Variants in GPATCH2L observed in about 807,000 individuals in gnomAD.
The protein encoded by GPATCH2L is G-patch domain containing 2 like, also known as G patch domain-containing protein 2-like.
Under a neutral mutation model 57.4 loss-of-function variants are expected in GPATCH2L, and 31 were observed. The ratio of observed to expected loss-of-function variants is 0.54; its 90% CI spans 0.41 to 0.73. The LOEUF (loss-of-function observed/expected upper bound fraction) is 0.73. Ranked by LOEUF, GPATCH2L falls within the 30% of genes least tolerant of loss-of-function variation. The probability of loss-of-function intolerance (pLI) is 0.00; values close to 1 mark genes in which losing one functional copy is unlikely to be tolerated. For missense variants in GPATCH2L, 481 were observed against 599.9 expected, an observed-to-expected ratio of 0.80 and a Z score of 2.07; for synonymous variants, 199 against 210.7, an observed-to-expected ratio of 0.94 and a Z score of 0.48.
In GPATCH2L at chr14:76,203,338, A is replaced by G. The variant is rs747577878; in HGVS notation, c.*1487A>G. The G allele has an allele frequency of 5.9e-5, 9 of 152,236 alleles. No homozygotes were observed. Among genetic ancestry groups the G allele is most frequent in the Non-Finnish European group, 1.0e-4 (7 of 68,046 alleles). The allele number at this position is 152,236 out of a possible 1,614,324, so 9.4% of individuals were successfully genotyped here. On this transcript the variant is annotated 3_prime_UTR_variant, in exon 10 of 10. Coordinates refer to ENST00000261530, the MANE Select transcript of GPATCH2L (RefSeq NM_017926.4). Reference sequence around the variant, plus strand: ...ATATCAATTGTTCATAATCAGGAATATGGTAGAGGGAGAGCAGGTGTAGAT... The same window carrying G: ...ATATCAATTGTTCATAATCAGGAATGTGGTAGAGGGAGAGCAGGTGTAGAT...
At chr14:76,186,627 C>T (rs902423676) in intron 8 of GPATCH2L, among the ~76,000 whole-genome samples, 9 of 152,168 alleles carry the variant, frequency 5.9e-5, no homozygotes, top group Admixed American at 5.9e-4. Context: ...TAAGGCTGCC[C>T]AAGCCTATTG....
At chr14:76,196,090 T>G in intron 9 of GPATCH2L, 118 bp downstream of exon 9, 1 of 830,208 alleles carries the variant, frequency 1.2e-6, no homozygotes, top group Non-Finnish European at 2.1e-6. Context: ...TATTCCCACT[T>G]TACATGGGAA....
chr14:76,215,023 A>G (rs74396213), downstream of GPATCH2L, among the ~76,000 whole-genome samples: 3,366 of 152,252 alleles, frequency 0.022, 75 homozygotes, highest in South Asian at 0.077. Context: ...TTTTGAAGTT[A>G]GTTTTATCAT....
chr14:76,231,488 C>T (rs1008364941), intron 2 of GPATCH2L, among the ~76,000 whole-genome samples: 4 of 152,060 alleles, frequency 2.6e-5, no homozygotes, highest in African/African-American at 9.7e-5. Context: ...CATTCCATCT[C>T]TCTTTCTTTC....
chr14:76,165,318 C>G (rs1160456930), intron 2 of GPATCH2L, among the ~76,000 whole-genome samples: 1 of 151,758 alleles, frequency 6.6e-6, no homozygotes, highest in African/African-American at 2.4e-5. Flanking sequence ...ATGGTGAAAC[C>G]CTGTTTCTAC....
chr14:76,182,313 C>T (rs1356674361), intron 8 of GPATCH2L, among the ~76,000 whole-genome samples: 59 of 146,782 alleles, frequency 4.0e-4, no homozygotes, highest in Non-Finnish European at 8.0e-4. Flanking sequence ...GCTGAGATCG[C>T]GCCACTGCAC....
At chr14:76,196,442 T>G (rs201626115) in intron 9 of GPATCH2L, 20 of 152,850 alleles carry the variant, frequency 1.3e-4, no homozygotes, top group East Asian at 3.1e-4. Context: ...TTTCAGTTTT[T>G]TTTTTTTTTT....
chr14:76,169,035 G>A (rs1004412731), intron 3 of GPATCH2L, among the ~76,000 whole-genome samples: 2 of 152,198 alleles, frequency 1.3e-5, no homozygotes, highest in African/African-American at 2.4e-5. Flanking sequence ...GCCTCCTGCT[G>A]TGCTGGCTCC....
chr14:76,162,057 A>C lies in GPATCH2L; in HGVS notation c.663-4606A>C, dbSNP rs908708949. ...TCTCAAAAAAAATAAACAAAAAAAA[A>C]CTTATGAGCTCTAAACAATGAATAC... On this transcript the variant is annotated intron_variant, in intron 2 of 9. Transcript: ENST00000261530. Among the ~76,000 whole-genome samples the C allele has an allele frequency of 6.1e-4, 93 of 152,178 alleles. 1 individual carries two copies. The highest frequency in any genetic ancestry group is 2.1e-3 in the African/African-American group (88 of 41,438).
chr14:76,221,017 T>C (rs917340306), intron 1 of GPATCH2L, among the ~76,000 whole-genome samples: 8 of 151,126 alleles, frequency 5.3e-5, no homozygotes, highest in African/African-American at 1.9e-4. Context: ...ACTAATAATA[T>C]TGATAAACCT....
At chr14:76,183,959 G>A (rs1310582645) in intron 8 of GPATCH2L, among the ~76,000 whole-genome samples, 3 of 151,578 alleles carry the variant, frequency 2.0e-5, no homozygotes, top group East Asian at 1.9e-4. Flanking sequence ...TTTATTTGTA[G>A]TAGGGAAACA....
At chr14:76,214,950 T>A (rs2040479971), downstream of GPATCH2L, among the ~76,000 whole-genome samples, 1 of 152,138 alleles carries the variant, frequency 6.6e-6, no homozygotes, top group Non-Finnish European at 1.5e-5. Context: ...TGCGTGATGC[T>A]GAGGTTTGGG....
At chr14:76,160,664 A>G (rs1370993380) in intron 2 of GPATCH2L, among the ~76,000 whole-genome samples, 1 of 152,182 alleles carries the variant, frequency 6.6e-6, no homozygotes, top group Non-Finnish European at 1.5e-5. Flanking sequence ...TTTTTTTCAC[A>G]TATGCTCAAG....
chr14:76,178,015 T>C lies in GPATCH2L; in HGVS notation c.1080T>C (p.Phe360=). The C allele has an allele frequency of 3.1e-6, 5 of 1,607,972 alleles. No homozygotes were observed. The South Asian group carries it at 5.5e-5, about 18-fold the overall frequency. The change falls in exon 7 of 10, where the codon TTT becomes TTC. Residue 360 remains phenylalanine, a synonymous_variant. Coordinates refer to ENST00000261530, the MANE Select transcript of GPATCH2L (RefSeq NM_017926.4). ...KEKNKALASD[F]PHISACAHEF... is the part of the protein sequence containing the mutation. ...AGAATAAAGCGTTGGCTTCTGATTT[T>C]CCTCACATTTCTGCTTGTGCACATG...
At chr14:76,195,625 C>T (rs1457833633) in intron 8 of GPATCH2L, among the ~76,000 whole-genome samples, 2 of 152,104 alleles carry the variant, frequency 1.3e-5, no homozygotes, top group East Asian at 3.8e-4. Flanking sequence ...TAATGCAACA[C>T]ATATTTATTG....
At chr14:76,181,010 C>T (rs1475395035) in intron 8 of GPATCH2L, among the ~76,000 whole-genome samples, 161 bp downstream of exon 8, 1 of 152,186 alleles carries the variant, frequency 6.6e-6, no homozygotes, top group Non-Finnish European at 1.5e-5. Flanking sequence ...TGAGGCAGAG[C>T]AGTGAAGTAT....
At chr14:76,178,981 A>G (rs1431509676) in intron 7 of GPATCH2L, 1 of 151,444 alleles carries the variant, frequency 6.6e-6, no homozygotes, top group East Asian at 1.9e-4. Context: ...GGAGGATTGC[A>G]TTATCTTGGT....
chr14:76,231,470 T>C (rs17104278), intron 2 of GPATCH2L, among the ~76,000 whole-genome samples: 17,157 of 152,154 alleles, frequency 0.11, 1,387 homozygotes, highest in African/African-American at 0.22. Flanking sequence ...GCTGCCTAGA[T>C]TTCCTTACAT....
At chr14:76,180,737 CT>C in intron 7 of GPATCH2L, 26 bp from the exon 8 acceptor site, 3 of 1,471,116 alleles carry the variant, frequency 2.0e-6, no homozygotes, top group Non-Finnish European at 2.9e-6. Flanking sequence ...GTAAGCCTTA[CT>C]AAAATAGTCT....
Sources: gnomAD v4.1 joint callset for allele counts (sites outside exome capture counted in the v4.1 genomes callset) on GRCh38, gnomAD v4.1.1 for gene constraint, MANE v1.5 for transcripts, NCBI Gene and HGNC (gene_info 2026-07-23, HGNC 2026-07-21) for gene names.